Variants in SLC35D4 observed in about 807,000 individuals in gnomAD.
SLC35D4 encodes the protein UDP-N-acetylglucosamine transporter SLC35D4.
At chr18:23,330,187 A>G in the SLC35D4 span, among the ~76,000 whole-genome samples, 1 of 152,200 alleles carries the variant, frequency 6.6e-6, no homozygotes, top group Non-Finnish European at 1.5e-5. Context: ...CCTAGAACCT[A>G]AAGTATAAAA....
the SLC35D4 span, among the ~76,000 whole-genome samples, chr18:23,384,007 G>T: frequency 7.3e-6 from 1 of 137,764 alleles, no homozygotes; most frequent in Non-Finnish European, 1.6e-5. Context: ...AAATTGGGGG[G>T]GGGGGGTGTG....
chr18:23,330,604 G>A, the SLC35D4 span, among the ~76,000 whole-genome samples: 3 of 152,078 alleles, frequency 2.0e-5, no homozygotes, highest in Non-Finnish European at 4.4e-5. Context: ...GTCTGGGGAC[G>A]CCTGGCATTC....
the SLC35D4 span, among the ~76,000 whole-genome samples, chr18:23,435,153 G>A: frequency 6.6e-6 from 1 of 151,142 alleles, no homozygotes; most frequent in Non-Finnish European, 1.5e-5. Flanking sequence ...GTGAGCCTGT[G>A]TCTCAGAAAA....
the SLC35D4 span, chr18:23,385,050 G>A: frequency 1.9e-6 from 3 of 1,613,312 alleles, no homozygotes; most frequent in South Asian, 2.2e-5. Flanking sequence ...TATGCAAAGT[G>A]AGAAACACAG....
chr18:23,242,041 C>T, the SLC35D4 span, among the ~76,000 whole-genome samples: 1 of 152,042 alleles, frequency 6.6e-6, no homozygotes, highest in Non-Finnish European at 1.5e-5. Flanking sequence ...TTTGGAAGGC[C>T]GAGGCGGGTG....
the SLC35D4 span, among the ~76,000 whole-genome samples, chr18:23,360,375 G>A: frequency 1.3e-5 from 2 of 152,190 alleles, no homozygotes; most frequent in East Asian, 3.8e-4. Flanking sequence ...GCTGGGAACA[G>A]CCCAGGTGAG....
chr18:23,241,287 C>T, the SLC35D4 span, among the ~76,000 whole-genome samples: 71 of 151,952 alleles, frequency 4.7e-4, no homozygotes, highest in Non-Finnish European at 8.2e-4. Flanking sequence ...TTTGGGAGGC[C>T]GAGGTGGGTA....
chr18:23,409,863 AAG>A, the SLC35D4 span, among the ~76,000 whole-genome samples: 16,171 of 115,112 alleles, frequency 0.14, 1,238 homozygotes, highest in Middle Eastern at 0.2. Context: ...AAAAAAAAAA[AAG>A]AGGATGGTTG....
the SLC35D4 span, among the ~76,000 whole-genome samples, chr18:23,239,140 G>A: frequency 2.0e-5 from 3 of 152,230 alleles, no homozygotes; most frequent in African/African-American, 4.8e-5. Context: ...CGCAGTATGT[G>A]TGTATGTGCG....
chr18:23,411,764 T>A, the SLC35D4 span, among the ~76,000 whole-genome samples: 1 of 152,222 alleles, frequency 6.6e-6, no homozygotes, highest in Non-Finnish European at 1.5e-5. Flanking sequence ...AGAACCCTGA[T>A]GAACAAAGCA....
chr18:23,361,120 A>AG, the SLC35D4 span, among the ~76,000 whole-genome samples: 697 of 138,198 alleles, frequency 5.0e-3, 5 homozygotes, highest in African/African-American at 0.02. Flanking sequence ...AAAAAAAAAA[A>AG]AAAAAGAAAA....
the SLC35D4 span, among the ~76,000 whole-genome samples, chr18:23,432,408 C>T: frequency 6.6e-6 from 1 of 152,130 alleles, no homozygotes; most frequent in African/African-American, 2.4e-5. Flanking sequence ...GAGCCCCATG[C>T]GCGGTGGCTC....
the SLC35D4 span, among the ~76,000 whole-genome samples, chr18:23,250,751 A>C: frequency 6.6e-6 from 1 of 152,242 alleles, no homozygotes; most frequent in Non-Finnish European, 1.5e-5. Flanking sequence ...TGATTGGGCC[A>C]GAAAGACTAT....
chr18:23,397,570 C>A, the SLC35D4 span, among the ~76,000 whole-genome samples: 1 of 152,304 alleles, frequency 6.6e-6, no homozygotes, highest in African/African-American at 2.4e-5. Flanking sequence ...TAGGTTTCTA[C>A]CCCAAGACTT....
At chr18:23,319,500 A>T in the SLC35D4 span, among the ~76,000 whole-genome samples, 1 of 151,864 alleles carries the variant, frequency 6.6e-6, no homozygotes, top group Non-Finnish European at 1.5e-5. Context: ...CTGGAGTCCA[A>T]TGGTGCGATC....
the SLC35D4 span, chr18:23,437,794 T>C: frequency 6.2e-7 from 1 of 1,611,608 alleles, no homozygotes; most frequent in South Asian, 1.1e-5. Context: ...GTTCGTGAGG[T>C]AAGAAGCCAG....
At chr18:23,313,156 A>AAAAAAAT in the SLC35D4 span, among the ~76,000 whole-genome samples, 10 of 146,524 alleles carry the variant, frequency 6.8e-5, no homozygotes, top group Non-Finnish European at 1.4e-4. Flanking sequence ...AAAAAAAAAA[A>AAAAAAAT]AGAACCTGAG....
At chr18:23,371,875 A>ACTAC in the SLC35D4 span, among the ~76,000 whole-genome samples, 1 of 142,722 alleles carries the variant, frequency 7.0e-6, no homozygotes. Flanking sequence ...TTCCCTTATT[A>ACTAC]TTCTCCACAG....
the SLC35D4 span, chr18:23,352,440 A>C: frequency 1.9e-6 from 1 of 539,646 alleles, no homozygotes; most frequent in South Asian, 4.4e-5. Flanking sequence ...TCTGGATGAA[A>C]ATAAAAAAAA....
Sources: allele counts gnomAD v4.1 joint callset (sites outside exome capture counted in the v4.1 genomes callset), GRCh38; gene constraint gnomAD v4.1.1; transcripts MANE v1.5; gene names NCBI Gene and HGNC (gene_info 2026-07-23, HGNC 2026-07-21).